Variants in CLIC5 observed in about 807,000 individuals in gnomAD.
CLIC5 encodes chloride intracellular channel protein 5.
Under a neutral mutation model 24.7 loss-of-function variants are expected in CLIC5, and 20 were observed. The observed-to-expected ratio is 0.81, with a 90% CI of 0.57 to 1.18. The LOEUF (loss-of-function observed/expected upper bound fraction) is 1.18, where lower values mean the gene tolerates loss of function less well. Among genes scored for constraint, CLIC5 ranks in the 50% most tolerant of loss-of-function variants. The pLI is 0.00. For missense variants in CLIC5, 341 were observed against 326.1 expected (o/e 1.05, Z -0.35); for synonymous variants, 159 against 135.6 (o/e 1.17, Z -1.20).
At chr6:46,089,714 A>G in the CLIC5 span, among the ~76,000 whole-genome samples, 1 of 152,310 alleles carries the variant, frequency 6.6e-6, no homozygotes, top group East Asian at 1.9e-4. Flanking sequence ...ACTAAGCCAC[A>G]TCAACTTTCT....
upstream of CLIC5, among the ~76,000 whole-genome samples, chr6:46,081,340 G>A (rs541868117): frequency 3.3e-5 from 5 of 152,222 alleles, no homozygotes; most frequent in African/African-American, 1.2e-4. Flanking sequence ...GTTGTAAAGG[G>A]ACTTTAATGT....
intron 1 of CLIC5, among the ~76,000 whole-genome samples, chr6:45,966,430 T>A (rs927678694): frequency 1.3e-5 from 2 of 152,172 alleles, no homozygotes; most frequent in Admixed American, 6.5e-5. Flanking sequence ...CTCGAGGTGA[T>A]TCTAATGTTC....
chr6:46,066,963 C>A (rs913423779), intron 1 of CLIC5, among the ~76,000 whole-genome samples: 1 of 151,998 alleles, frequency 6.6e-6, no homozygotes, highest in Non-Finnish European at 1.5e-5. Flanking sequence ...TGAGGTAGAG[C>A]ATGGTGGGAG....
intron 1 of CLIC5, among the ~76,000 whole-genome samples, chr6:46,008,542 A>C (rs899095083): frequency 2.6e-5 from 4 of 151,870 alleles, no homozygotes; most frequent in Non-Finnish European, 4.4e-5. Context: ...TTCTTCTCTG[A>C]TCTCCCCCAG....
the CLIC5 span, among the ~76,000 whole-genome samples, chr6:46,100,763 C>G: frequency 6.6e-6 from 1 of 151,936 alleles, no homozygotes; most frequent in Non-Finnish European, 1.5e-5. Flanking sequence ...TCTGAAGTTT[C>G]GCTGAAAAAT....
intron 4 of CLIC5, among the ~76,000 whole-genome samples, chr6:45,935,397 G>A (rs912999518): frequency 8.5e-5 from 13 of 152,192 alleles, no homozygotes; most frequent in Admixed American, 6.5e-5. Flanking sequence ...CAGGCAGGCT[G>A]GGTAGAGAGC....
At chr6:46,068,546 A>T (rs951412820) in intron 1 of CLIC5, among the ~76,000 whole-genome samples, 3 of 152,146 alleles carry the variant, frequency 2.0e-5, no homozygotes, top group African/African-American at 4.8e-5. Flanking sequence ...AGATATAAAC[A>T]AGTAATCATA....
chr6:45,941,586 A>C lies in CLIC5; in HGVS notation c.367T>G (p.Ser123Ala). ...TAGIDIFSKF[S>A]AYIKNTKQQN... ...TGCTTGGTATTTTTGATGTAGGCAG[A>C]AAACTTGGAAAAGATGTCGATGCCC... The change falls in exon 4 of 6, where the codon TCT (serine) becomes GCT (alanine). Residue 123 changes from serine to alanine, a missense_variant. Ser to Ala is a moderately conservative substitution (Grantham distance 99). Coordinates refer to ENST00000339561, the MANE Select transcript of CLIC5 (RefSeq NM_016929.5). 6.2e-7 allele frequency: 1 copy of C among 1,613,960 alleles called. No individual in the cohort carries two copies. Among genetic ancestry groups the C allele is most frequent in the Non-Finnish European group, 8.5e-7 (1 of 1,179,898 alleles).
chr6:45,984,077 A>C (rs191512959), intron 1 of CLIC5, among the ~76,000 whole-genome samples: 4 of 152,206 alleles, frequency 2.6e-5, no homozygotes, highest in East Asian at 1.9e-4. Flanking sequence ...TCAAGAAAAG[A>C]GTCAAAGAGA....
chr6:46,070,605 T>C (rs1222912329), intron 1 of CLIC5, among the ~76,000 whole-genome samples: 2 of 152,088 alleles, frequency 1.3e-5, no homozygotes, highest in African/African-American at 4.8e-5. Context: ...ATTCCATGCT[T>C]GTGTACAAGG....
the CLIC5 span, among the ~76,000 whole-genome samples, chr6:46,110,673 A>T: frequency 6.6e-6 from 1 of 152,158 alleles, no homozygotes; most frequent in Non-Finnish European, 1.5e-5. Context: ...TTCTGATAGG[A>T]CCAGGAACTT....
In CLIC5 at chr6:46,057,365, G is replaced by A. The variant is rs192360199; in HGVS notation, c.540+22338C>T. Among the ~76,000 whole-genome samples the A allele has an allele frequency of 1.2e-3, 176 of 152,250 alleles. 1 individual carries two copies. Among genetic ancestry groups the A allele is most frequent in the African/African-American group, 3.9e-3 (164 of 41,530 alleles). ...TTCTTCCTCATTTTCTCTGGCCACC[G>A]CCATGTAAGAAGTGCTTTTCTCCTC... On this transcript the variant is annotated intron_variant, in intron 1 of 5. Coordinates refer to the CLIC5 transcript ENST00000185206.
At chr6:45,926,328 A>G (rs1763491987) in intron 4 of CLIC5, among the ~76,000 whole-genome samples, 1 of 150,212 alleles carries the variant, frequency 6.7e-6, no homozygotes, top group African/African-American at 2.4e-5. Flanking sequence ...GCTCACTGCA[A>G]GCTCCACCTC....
intron 5 of CLIC5, among the ~76,000 whole-genome samples, chr6:45,904,115 C>A (rs2127295111): frequency 6.6e-6 from 1 of 152,236 alleles, no homozygotes; most frequent in Non-Finnish European, 1.5e-5. Context: ...ACTGGATTTG[C>A]AATCATGGCT....
At chr6:46,007,983 A>G (rs1475792200) in intron 1 of CLIC5, among the ~76,000 whole-genome samples, 1 of 148,034 alleles carries the variant, frequency 6.8e-6, no homozygotes, top group Non-Finnish European at 1.5e-5. Context: ...TGTTACATGC[A>G]TAGATTGTGC....
intron 4 of CLIC5, among the ~76,000 whole-genome samples, chr6:45,919,419 C>T (rs1051886684): frequency 2.0e-5 from 3 of 152,180 alleles, no homozygotes; most frequent in African/African-American, 7.2e-5. Context: ...TGCCTCCCTC[C>T]ACAATCTGGA....
At chr6:45,981,082 C>T (rs536071148) in intron 1 of CLIC5, among the ~76,000 whole-genome samples, 1 of 152,084 alleles carries the variant, frequency 6.6e-6, no homozygotes, top group African/African-American at 2.4e-5. Flanking sequence ...GCGATCTTCC[C>T]ACCTCAGCCT....
chr6:45,960,895 T>C (rs1274134053), intron 1 of CLIC5, among the ~76,000 whole-genome samples: 1 of 152,190 alleles, frequency 6.6e-6, no homozygotes, highest in African/African-American at 2.4e-5. Context: ...AAACCACTTC[T>C]AAGTTTGTCC....
chr6:46,011,945 G>T (rs1047948697), intron 1 of CLIC5, among the ~76,000 whole-genome samples: 4 of 152,128 alleles, frequency 2.6e-5, no homozygotes, highest in African/African-American at 7.2e-5. Flanking sequence ...GTCCAGAAAG[G>T]TTCAGTCTGC....
Sources: gnomAD v4.1 joint callset for allele counts (sites outside exome capture counted in the v4.1 genomes callset) on GRCh38, gnomAD v4.1.1 for gene constraint, MANE v1.5 for transcripts, NCBI Gene and HGNC (gene_info 2026-07-23, HGNC 2026-07-21) for gene names.